Variants in RRM1 observed in about 807,000 individuals in gnomAD.
The protein encoded by RRM1 is ribonucleotide reductase catalytic subunit M1, also known as ribonucleoside-diphosphate reductase large subunit.
In RRM1, 19 loss-of-function variants were observed where a neutral mutation model predicts 101.5. That is an observed-to-expected ratio of 0.19 (90% CI 0.13 to 0.27). The LOEUF (loss-of-function observed/expected upper bound fraction) is 0.27, where lower values mean the gene tolerates loss of function less well. Among genes scored for constraint, RRM1 ranks in the 10% least tolerant of loss-of-function variants. The pLI is 1.00. For synonymous variants in RRM1, 298 were observed against 323.4 expected, an observed-to-expected ratio of 0.92 and a Z score of 0.84; for missense variants, 500 against 962.9, an observed-to-expected ratio of 0.52 and a Z score of 6.36.
At chr11:4,130,086 A>ATATATTT (rs1202870487) in intron 15 of RRM1, among the ~76,000 whole-genome samples, 2 of 99,484 alleles carry the variant, frequency 2.0e-5, no homozygotes, top group African/African-American at 5.4e-5. Flanking sequence ...ATATATATAT[A>ATATATTT]TTTTTTTTTT....
intron 17 of RRM1, 105 bp from the exon 18 acceptor site, chr11:4,134,977 C>G (rs1443322903): frequency 2.5e-6 from 2 of 804,782 alleles, no homozygotes; most frequent in Non-Finnish European, 3.9e-6. Context: ...AAGGTCAGAT[C>G]TGGCAGGAAG....
chr11:4,109,785 A>G lies in RRM1; in HGVS notation c.447+82A>G. ...TTTTGTTTATGTTTTGGTGACAGTT[A>G]TCAAGGCCATAAGTTGTTTGGAGTT... On this transcript the variant is annotated intron_variant, in intron 5 of 18. Transcript: ENST00000300738. The G allele has an allele frequency of 2.6e-6, 3 of 1,169,148 alleles. No individual in the cohort carries two copies. In the Admixed American group the frequency reaches 5.9e-5, roughly 23 times the overall value. The allele number at this position is 1,169,148 out of a possible 1,614,324, so 72.4% of individuals were successfully genotyped here.
chr11:4,122,872 C>CA (rs140332856), intron 11 of RRM1, among the ~76,000 whole-genome samples: 14,734 of 120,234 alleles, frequency 0.12, 1,164 homozygotes, highest in African/African-American at 0.26. Context: ...AACTCCGTCT[C>CA]AAAAAAAAAA....
Position 4,135,234 on chromosome 11 carries a change from C to T in RRM1, c.2154C>T (p.Gly718=), listed in dbSNP as rs1301688701. The change falls in exon 18 of 19, where the codon GGC becomes GGT. Residue 718 remains glycine (G), a synonymous_variant. Coordinates refer to ENST00000300738, the MANE Select transcript of RRM1 (RefSeq NM_001033.5). ...TCCACATTGCTGAGCCTAACTATGG[C>T]AAACTCACTAGTATGCACTTCTACG... ...LNIHIAEPNY[G]KLTSMHFYGW... 6.2e-7 allele frequency: 1 copy of T among 1,612,748 alleles called. No individual in the cohort carries two copies.
intron 15 of RRM1, among the ~76,000 whole-genome samples, chr11:4,130,315 T>C (rs1284007346): frequency 6.6e-6 from 1 of 151,836 alleles, no homozygotes; most frequent in Non-Finnish European, 1.5e-5. Flanking sequence ...TAAGACTTGT[T>C]AATGGTGTGT....
At chr11:4,099,289 C>T (rs2094547586) in intron 1 of RRM1, 1 of 52,308 alleles carries the variant, frequency 1.9e-5, no homozygotes, top group African/African-American at 7.3e-5. Flanking sequence ...ACAGCATACC[C>T]AGCTAATTTT....
chr11:4,129,644 C>A (rs143563694), intron 15 of RRM1, among the ~76,000 whole-genome samples: 198 of 151,968 alleles, frequency 1.3e-3, no homozygotes, highest in Middle Eastern at 6.8e-3. Flanking sequence ...TTTTTGTAGG[C>A]CTTTCAAACT....
chr11:4,111,417 A>G (rs2094565391), intron 5 of RRM1, among the ~76,000 whole-genome samples, 184 bp from the exon 6 acceptor site: 1 of 152,042 alleles, frequency 6.6e-6, no homozygotes, highest in Admixed American at 6.5e-5. Flanking sequence ...TCTCAAAAAA[A>G]AAAAAAAAAG....
Position 4,101,981 on chromosome 11 carries a change from T to G in RRM1, c.20-12T>G. ...TGAATTTAATAATTGCTAACATGATTTGATTCTTTAGATGGCCGCCAAGAA... is the reference window on the plus strand; with the variant it reads ...TGAATTTAATAATTGCTAACATGATGTGATTCTTTAGATGGCCGCCAAGAA... On this transcript the variant is annotated splice_polypyrimidine_tract_variant and intron_variant, in intron 1 of 18. Coordinates refer to ENST00000300738, the MANE Select transcript of RRM1 (RefSeq NM_001033.5). 3 of 1,472,142 alleles carry G rather than the reference T, an allele frequency of 2.0e-6. No individual in the cohort carries two copies. Among genetic ancestry groups the G allele is most frequent in the Non-Finnish European group, 2.8e-6 (3 of 1,058,724 alleles). 91.2% of individuals were successfully genotyped at this position (1,472,142 alleles called of 1,614,324 possible).
chr11:4,130,749 T>C (rs1246000926), intron 15 of RRM1, among the ~76,000 whole-genome samples: 1 of 152,200 alleles, frequency 6.6e-6, no homozygotes, highest in Non-Finnish European at 1.5e-5. Context: ...TTTGGAGCTC[T>C]TTCTCTTTTA....
At chr11:4,124,248 G>A (rs1366865182) in intron 12 of RRM1, among the ~76,000 whole-genome samples, 1 of 152,176 alleles carries the variant, frequency 6.6e-6, no homozygotes, top group African/African-American at 2.4e-5. Flanking sequence ...GTTACAGAGT[G>A]TCTTGCTGTG....
chr11:4,102,811 A>C lies in RRM1; in HGVS notation c.108+730A>C, dbSNP rs2094553396. The stretch of plus-strand genomic sequence containing the variant: ...ACAATATTTAAGTCAAGAACAAACT[A>C]TTCATAAACCAGTTGCTCTGCTTTT... On this transcript the variant is annotated intron_variant, in intron 2 of 18. Transcript: ENST00000300738. Among the ~76,000 whole-genome samples the C allele has an allele frequency of 4.6e-5, 7 of 152,242 alleles. No individual in the cohort carries two copies. The South Asian group carries it at 1.4e-3, about 32-fold the overall frequency.
chr11:4,119,433 G>A (rs948193831), intron 8 of RRM1, among the ~76,000 whole-genome samples: 2 of 152,110 alleles, frequency 1.3e-5, no homozygotes, highest in African/African-American at 2.4e-5. Flanking sequence ...TATAGCTATC[G>A]CATATAATTC....
intron 1 of RRM1, 60 bp downstream of exon 1, chr11:4,095,091 G>T: frequency 6.5e-7 from 1 of 1,538,746 alleles, no homozygotes; most frequent in Non-Finnish European, 8.8e-7. Context: ...GCCGCCGCCG[G>T]AGCTGATGCC....
At chr11:4,110,021 C>A (rs1204183178) in intron 5 of RRM1, among the ~76,000 whole-genome samples, 1 of 152,164 alleles carries the variant, frequency 6.6e-6, no homozygotes, top group Non-Finnish European at 1.5e-5. Context: ...TGACTGAGAA[C>A]ATGAATGTCA....
intron 7 of RRM1, among the ~76,000 whole-genome samples, chr11:4,117,642 G>T (rs1028027965): frequency 1.3e-5 from 2 of 152,146 alleles, no homozygotes; most frequent in East Asian, 3.8e-4. Flanking sequence ...TATATTTGTG[G>T]TGTCTAATTT....
At chr11:4,108,987 G>A (rs78070079) in intron 4 of RRM1, among the ~76,000 whole-genome samples, 4,122 of 152,020 alleles carry the variant, frequency 0.027, 165 homozygotes, top group African/African-American at 0.091. Flanking sequence ...ATGATTATTT[G>A]TACGTTATTG....
intron 18 of RRM1, among the ~76,000 whole-genome samples, chr11:4,137,698 C>T (rs544652792): frequency 7.2e-4 from 4 of 5,532 alleles, no homozygotes; most frequent in Admixed American, 3.5e-3. Context: ...CCCTCCCGGA[C>T]GGGGCGGCTG....
chr11:4,100,488 T>G lies in RRM1; in HGVS notation c.20-1505T>G, dbSNP rs76982405. Among the ~76,000 whole-genome samples, 259 of 152,356 alleles carry G rather than the reference T, an allele frequency of 1.7e-3. 2 individuals are homozygous for G. The East Asian group carries it at 0.037, about 22-fold the overall frequency. On this transcript the variant is annotated intron_variant, in intron 1 of 18. Coordinates refer to ENST00000300738, the MANE Select transcript of RRM1 (RefSeq NM_001033.5). ...GAAATGGTCCAAGGAACATTTTCTT[T>G]GAACATTGTGTTGGCATTGAAAAAG... is the stretch of plus-strand genomic sequence containing the variant.
Sources: allele counts gnomAD v4.1 joint callset (sites outside exome capture counted in the v4.1 genomes callset), GRCh38; gene constraint gnomAD v4.1.1; transcripts MANE v1.5; gene names NCBI Gene and HGNC (gene_info 2026-07-23, HGNC 2026-07-21).